Variants in CEP128 observed in about 807,000 individuals in gnomAD.
CEP128 encodes centrosomal protein 128.
In CEP128, 132 loss-of-function variants were observed where a neutral mutation model predicts 156.7. That is an observed-to-expected ratio of 0.84 (90% CI 0.73 to 0.97). CEP128 has a LOEUF of 0.97. Among genes scored for constraint, CEP128 ranks in the 50% least tolerant of loss-of-function variants. The probability of loss-of-function intolerance (pLI) is 0.00; values close to 1 mark genes in which losing one functional copy is unlikely to be tolerated. For synonymous variants in CEP128, 469 were observed against 448.9 expected (o/e 1.04, Z -0.57); for missense variants, 1,252 against 1,281.9 (o/e 0.98, Z 0.36).
chr14:80,479,357 A>G (rs1268138379), intron 14 of CEP128, among the ~76,000 whole-genome samples: 1 of 152,200 alleles, frequency 6.6e-6, no homozygotes, highest in Admixed American at 6.5e-5. Flanking sequence ...GAAACTGGGA[A>G]CAAAAAGAGG....
chr14:80,881,777 TA>T (rs1281573896), intron 8 of CEP128, among the ~76,000 whole-genome samples: 2 of 152,106 alleles, frequency 1.3e-5, no homozygotes, highest in Admixed American at 1.3e-4. Flanking sequence ...ACATGCAAAT[TA>T]ATCAATGAGA....
intron 21 of CEP128, among the ~76,000 whole-genome samples, chr14:80,548,027 T>C (rs1270035418): frequency 2.0e-5 from 3 of 152,142 alleles, no homozygotes; most frequent in Non-Finnish European, 2.9e-5. Flanking sequence ...CTCGAACTCC[T>C]GACCTCAGGT....
At chr14:80,920,953 A>G (rs1328114771) in intron 2 of CEP128, among the ~76,000 whole-genome samples, 1 of 152,200 alleles carries the variant, frequency 6.6e-6, no homozygotes, top group African/African-American at 2.4e-5. Flanking sequence ...TTTAGAATAC[A>G]TACAAAAATT....
chr14:80,524,281 C>T (rs1888879025), intron 23 of CEP128, among the ~76,000 whole-genome samples: 1 of 152,156 alleles, frequency 6.6e-6, no homozygotes, highest in African/African-American at 2.4e-5. Context: ...AACCAGTGAA[C>T]TCAAGTCCCT....
intron 19 of CEP128, among the ~76,000 whole-genome samples, chr14:80,633,219 CCCTGCCTAG>C (rs1334295490): frequency 4.4e-5 from 6 of 136,170 alleles, no homozygotes. Flanking sequence ...CAGAGTTAGA[CCCTGCCTAG>C]AAACAAACAA....
At chr14:80,565,274 A>C (rs8017795) in intron 20 of CEP128, among the ~76,000 whole-genome samples, 25,240 of 151,980 alleles carry the variant, frequency 0.17, 2,375 homozygotes, top group East Asian at 0.21. Context: ...CATCCCACCC[A>C]AAAACAGAAG....
At chr14:80,541,824 T>A (rs542910552) in intron 21 of CEP128, among the ~76,000 whole-genome samples, 1 of 152,348 alleles carries the variant, frequency 6.6e-6, no homozygotes, top group African/African-American at 2.4e-5. Flanking sequence ...AGACTGGGCT[T>A]GGTCAATACC....
At chr14:80,862,319 A>C (rs1887553700) in intron 9 of CEP128, among the ~76,000 whole-genome samples, 1 of 152,234 alleles carries the variant, frequency 6.6e-6, no homozygotes, top group Admixed American at 6.5e-5. Context: ...ACAAAAATAG[A>C]CAATGGGCCA....
chr14:80,627,242 G>A (rs1893766161), intron 19 of CEP128, among the ~76,000 whole-genome samples: 1 of 152,172 alleles, frequency 6.6e-6, no homozygotes, highest in African/African-American at 2.4e-5. Flanking sequence ...TCCAGTTAAT[G>A]GTGAGGACAA....
At chr14:80,803,928 A>G (rs1417841351) in intron 13 of CEP128, among the ~76,000 whole-genome samples, 1 of 152,150 alleles carries the variant, frequency 6.6e-6, no homozygotes, top group African/African-American at 2.4e-5. Context: ...ATTAATGTTT[A>G]TACTAGCTAA....
chr14:80,604,125 T>C (rs182393699), intron 19 of CEP128, among the ~76,000 whole-genome samples: 2 of 152,314 alleles, frequency 1.3e-5, no homozygotes, highest in East Asian at 3.9e-4. Context: ...CAGCATCCTG[T>C]TGGTGTTTCC....
At chr14:80,950,893 G>A (rs1343642546) in intron 2 of CEP128, among the ~76,000 whole-genome samples, 2 of 106,724 alleles carry the variant, frequency 1.9e-5, no homozygotes, top group Non-Finnish European at 3.6e-5. Flanking sequence ...AATCTGAAAA[G>A]CATCCCGAGT....
chr14:80,762,247 G>A (rs1900006840), intron 16 of CEP128, among the ~76,000 whole-genome samples: 1 of 148,234 alleles, frequency 6.7e-6, no homozygotes, highest in Non-Finnish European at 1.5e-5. Flanking sequence ...ACCCACTCTA[G>A]GCAAAAATAA....
intron 19 of CEP128, among the ~76,000 whole-genome samples, chr14:80,707,889 C>T (rs1402982720): frequency 1.3e-5 from 2 of 152,046 alleles, no homozygotes; most frequent in Non-Finnish European, 2.9e-5. Context: ...CTTGAAATTT[C>T]TTCTGTTCAA....
intron 9 of CEP128, among the ~76,000 whole-genome samples, chr14:80,856,593 T>G (rs1426226556): frequency 6.6e-6 from 1 of 151,878 alleles, no homozygotes; most frequent in Non-Finnish European, 1.5e-5. Flanking sequence ...GAGTGGGCCA[T>G]GATCACACCA....
chr14:80,778,094 AAAT>A lies in CEP128; in HGVS notation c.2212-51_2212-49del. 2.0e-6 allele frequency: 3 copies of A among 1,481,330 alleles called. 1 individual carries two copies. In the South Asian group the frequency reaches 3.5e-5, roughly 17 times the overall value. 91.8% of individuals were successfully genotyped at this position (1,481,330 alleles called of 1,614,324 possible). ...ACAGAAAGTCCACTAGCCATAGCCA[AAAT>A]ACACCAAACACATTACATATTTTAT... On this transcript the variant is annotated intron_variant, in intron 15 of 24. Transcript: ENST00000555265.
Position 80,623,466 on chromosome 14 carries a change from A to AAAAT in CEP128, c.2807-43047_2807-43044dup, listed in dbSNP as rs1225067504. 9.4e-4 allele frequency among the ~76,000 whole-genome samples: 143 copies of AAAAT among 151,902 alleles called. 1 individual carries two copies. The highest frequency in any genetic ancestry group is 3.3e-3 in the African/African-American group (137 of 41,536). ...CTAATACTTAAAGTATAATAATAATAAAATAAATAAATAAATAAACAAACT... is the reference window on the plus strand; with the variant it reads ...CTAATACTTAAAGTATAATAATAATAAAATAAATAAATAAATAAATAAACAAACT... On this transcript the variant is annotated intron_variant, in intron 19 of 24. Coordinates refer to ENST00000555265, the MANE Select transcript of CEP128 (RefSeq NM_152446.5).
chr14:80,491,420 A>G (rs1387995893), intron 6 of CEP128, among the ~76,000 whole-genome samples: 7 of 151,860 alleles, frequency 4.6e-5, no homozygotes, highest in East Asian at 3.9e-4. Context: ...AGAGGGGGGG[A>G]AAAAGAAAGA....
chr14:80,623,453 G>A (rs973906535), intron 19 of CEP128, among the ~76,000 whole-genome samples: 4 of 151,008 alleles, frequency 2.6e-5, no homozygotes, highest in Non-Finnish European at 5.9e-5. Context: ...AATACTTAAA[G>A]TATAATAATA....
Sources: gnomAD v4.1 joint callset for allele counts (sites outside exome capture counted in the v4.1 genomes callset) on GRCh38, gnomAD v4.1.1 for gene constraint, MANE v1.5 for transcripts, NCBI Gene and HGNC (gene_info 2026-07-23, HGNC 2026-07-21) for gene names.